TACR2: variants seen among roughly 807,000 people sequenced by gnomAD.
The protein encoded by TACR2 is substance-K receptor.
A neutral mutation model predicts 28.9 loss-of-function variants in TACR2; 24 were observed. That is an observed-to-expected ratio of 0.83 (90% confidence interval 0.60 to 1.17). TACR2 has a LOEUF of 1.17. TACR2 is among the 50% of genes most tolerant of loss of function. The pLI is 0.00. For synonymous variants in TACR2, 222 were observed against 212.6 expected (o/e 1.04, Z -0.38); for missense variants, 487 against 524.4 (o/e 0.93, Z 0.70).
chr10:69,409,896 T>TATATATATATATACATATATAC (rs1453338217), intron 2 of TACR2, among the ~76,000 whole-genome samples: 1 of 14,846 alleles, frequency 6.7e-5, no homozygotes, highest in East Asian at 1.1e-3. Flanking sequence ...TATACATATA[T>TATATATATATATACATATATAC]ATATATACAT....
At chr10:69,412,982 C>T (rs556413259) in intron 2 of TACR2, among the ~76,000 whole-genome samples, 1 of 152,180 alleles carries the variant, frequency 6.6e-6, no homozygotes, top group Non-Finnish European at 1.5e-5. Context: ...AGGCACCCAC[C>T]ATCAAGCCCA....
chr10:69,407,186 A>G lies in TACR2; in HGVS notation c.836T>C (p.Ile279Thr), dbSNP rs781278009. The G allele has an allele frequency of 6.2e-7, 1 of 1,614,030 alleles. No homozygotes were observed. The highest frequency in any genetic ancestry group is 8.5e-7 in the Non-Finnish European group (1 of 1,179,982). Residue 279 changes from isoleucine to threonine, a missense_variant, in exon 4 of 5, where the codon ATC (isoleucine) becomes ACC (threonine). Ile to Thr is a moderately conservative substitution (Grantham distance 89). Coordinates refer to ENST00000373306, the MANE Select transcript of TACR2 (RefSeq NM_001057.3). Reference sequence around the variant, plus strand: ...TTGCTGGATGAACTTGTGGCAGTAGATGTCCTCCTGGAAGCTGCCCAGGAT... The same window carrying G: ...TTGCTGGATGAACTTGTGGCAGTAGGTGTCCTCCTGGAAGCTGCCCAGGAT... Reference protein sequence around the residue: ...YFILGSFQEDIYCHKFIQQVY... With the variant: ...YFILGSFQEDTYCHKFIQQVY...
intron 2 of TACR2, among the ~76,000 whole-genome samples, chr10:69,409,593 GAT>G (rs1840542990): frequency 6.6e-6 from 1 of 151,990 alleles, no homozygotes; most frequent in Non-Finnish European, 1.5e-5. Context: ...AGTACAACAA[GAT>G]ATTTTGAGAG....
chr10:69,409,929 A>ATG (rs1564581174), intron 2 of TACR2, among the ~76,000 whole-genome samples: 5 of 79,402 alleles, frequency 6.3e-5, no homozygotes, highest in East Asian at 3.0e-4. Flanking sequence ...ATATATATAT[A>ATG]TATATATATA....
intron 1 of TACR2, 147 bp from the exon 2 acceptor site, chr10:69,415,286 C>T: frequency 2.2e-6 from 2 of 911,050 alleles, no homozygotes; most frequent in Non-Finnish European, 3.2e-6. Context: ...TATCAGCCGA[C>T]CTGCAGAGAG....
chr10:69,415,004 C>G lies in TACR2; in HGVS notation c.528G>C (p.Gln176His), dbSNP rs561960711. 1 of 1,613,882 alleles carries G rather than the reference C, an allele frequency of 6.2e-7. No individual in the cohort carries two copies. The highest frequency in any genetic ancestry group is 1.3e-5 in the African/African-American group (1 of 75,046). The change falls in exon 2 of 5, where the codon CAG becomes CAC. Residue 176 changes from glutamine (Q) to histidine (H), a missense_variant. Physicochemically the swap from Gln to His is conservative, Grantham distance 24. Coordinates refer to ENST00000373306, the MANE Select transcript of TACR2 (RefSeq NM_001057.3). ...AGGCCACCACGCACTTGGTGGCACC[C>G]TGGTCCATGGTGACGGTGGAGTAGA... ...QCFYSTVTMD[Q>H]GATKCVVAWP...
chr10:69,416,330 T>C lies in TACR2; in HGVS notation c.-7A>G. 1 of 1,576,652 alleles carries C rather than the reference T, an allele frequency of 6.3e-7. No individual in the cohort carries two copies. Among genetic ancestry groups the C allele is most frequent in the Non-Finnish European group, 8.6e-7 (1 of 1,157,740 alleles). ...CAATGTCACAGGTCCCCATGGCTGCTTCTGGGTCTGGAACAAAGGACCTGG... is the reference window on the plus strand; with the variant it reads ...CAATGTCACAGGTCCCCATGGCTGCCTCTGGGTCTGGAACAAAGGACCTGG... On this transcript the variant is annotated 5_prime_UTR_variant, in exon 1 of 5. Transcript: ENST00000373306.
rs771728199 is a variant in TACR2, at chr10:69,416,119, T to C, written c.205A>G (p.Asn69Asp). 2.5e-6 allele frequency: 4 copies of C among 1,614,204 alleles called. No individual in the cohort carries two copies. The Admixed American group carries it at 6.7e-5, about 27-fold the overall frequency. ...LAHRRMRTVT[N>D]YFIVNLALAD... Reference sequence around the variant, plus strand: ...AGCGCCAGATTGACGATGAAGTAGTTGGTGACTGTGCGCATCCTCCGATGG... The same window carrying C: ...AGCGCCAGATTGACGATGAAGTAGTCGGTGACTGTGCGCATCCTCCGATGG... The change falls in exon 1 of 5, where the codon AAC becomes GAC. Residue 69 changes from asparagine to aspartate, a missense_variant. Physicochemically the swap from Asn to Asp is conservative, Grantham distance 23 (BLOSUM62 1). Coordinates refer to ENST00000373306, the MANE Select transcript of TACR2 (RefSeq NM_001057.3).
In TACR2 at chr10:69,404,606, T is replaced by C. The variant is rs142381550; in HGVS notation, c.*220A>G. On this transcript the variant is annotated 3_prime_UTR_variant, in exon 5 of 5. Transcript: ENST00000373306. ...GTCATGGTGGAAAGTGGAAGGGAAG[T>C]GTTGTGTGCAAAGAGATCACATGGT... 348 of 375,970 alleles carry C rather than the reference T, an allele frequency of 9.3e-4. No homozygotes were observed. The highest frequency in any genetic ancestry group is 6.6e-3 in the African/African-American group (319 of 48,188). The allele number at this position is 375,970 out of a possible 1,614,324, so 23.3% of individuals were successfully genotyped here.
Position 69,405,080 on chromosome 10 carries a change from G to A in TACR2, c.943C>T (p.Arg315Cys), listed in dbSNP as rs142749723. Residue 315 changes from arginine to cysteine, a missense_variant, in exon 5 of 5, where the codon CGC becomes TGC. Arg to Cys is a radical substitution (Grantham distance 180, BLOSUM62 -3). Coordinates refer to ENST00000373306, the MANE Select transcript of TACR2 (RefSeq NM_001057.3). ...CGGAAGGCAAGCCGGAATCCAGAGC[G>A]AAACCTGGGGGAGCGAGGGGCACCT... ...IIYCCLNHRF[R>C]SGFRLAFRCC... is the part of the protein sequence containing the mutation. 97 of 1,613,406 alleles carry A rather than the reference G, an allele frequency of 6.0e-5. No homozygotes were observed. The highest frequency in any genetic ancestry group is 3.2e-4 in the Admixed American group (19 of 59,998).
intron 2 of TACR2, among the ~76,000 whole-genome samples, chr10:69,413,714 A>AGG (rs1840587564): frequency 6.6e-6 from 1 of 152,072 alleles, no homozygotes; most frequent in Admixed American, 6.5e-5. Context: ...GTTGGAGGAG[A>AGG]GGTGTGTTGC....
intron 2 of TACR2, among the ~76,000 whole-genome samples, chr10:69,412,831 CTTTG>C (rs1377956880): frequency 2.6e-5 from 4 of 152,262 alleles, no homozygotes; most frequent in South Asian, 4.2e-4. Context: ...CAGGGACCGC[CTTTG>C]TTTGTTTTGT....
intron 2 of TACR2, 81 bp downstream of exon 2, chr10:69,414,864 T>C (rs1840598204): frequency 6.9e-7 from 1 of 1,452,848 alleles, no homozygotes; most frequent in Non-Finnish European, 9.4e-7. Context: ...TGGACATGGA[T>C]GCATGCACGC....
Position 69,409,802 on chromosome 10 carries a change from T to C in TACR2, c.588-727A>G, listed in dbSNP as rs888625734. Reference sequence around the variant, plus strand: ...TGAAGTTTCAAGCATCCACCGGGTGTCTTGGAGTGTATCCTACAGTATAGC... The same window carrying C: ...TGAAGTTTCAAGCATCCACCGGGTGCCTTGGAGTGTATCCTACAGTATAGC... On this transcript the variant is annotated intron_variant, in intron 2 of 4. Transcript: ENST00000373306. Among the ~76,000 whole-genome samples, 4 of 149,830 alleles carry C rather than the reference T, an allele frequency of 2.7e-5. No homozygotes were observed. In the East Asian group the frequency reaches 7.9e-4, roughly 29 times the overall value.
intron 2 of TACR2, among the ~76,000 whole-genome samples, chr10:69,409,505 T>G (rs537249551): frequency 6.6e-6 from 1 of 152,284 alleles, no homozygotes; most frequent in South Asian, 2.1e-4. Flanking sequence ...GTATGAATAG[T>G]AGTCACCCCT....
In TACR2 at chr10:69,404,935, G is replaced by C. The variant is rs1178370134; in HGVS notation, c.1088C>G (p.Thr363Arg). ...TKETLFMAGD[T>R]APSEATSGEA... ...CCCACTGGTAGCCTCGGAGGGGGCT[G>C]TGTCCCCAGCCATGAACAAAGTCTC... Residue 363 changes from threonine to arginine, a missense_variant, in exon 5 of 5, where the codon ACA becomes AGA. Transcript: ENST00000373306. 6.2e-7 allele frequency: 1 copy of C among 1,614,190 alleles called. No homozygotes were observed. The highest frequency in any genetic ancestry group is 8.5e-7 in the Non-Finnish European group (1 of 1,180,020).
intron 2 of TACR2, chr10:69,409,357 G>C: frequency 3.3e-6 from 1 of 301,150 alleles, no homozygotes; most frequent in Non-Finnish European, 6.1e-6. Flanking sequence ...AAAAGGAAAA[G>C]TGAATGAAAC....
chr10:69,409,904 C>CAT (rs10663894), intron 2 of TACR2, among the ~76,000 whole-genome samples: 2,111 of 33,520 alleles, frequency 0.063, 52 homozygotes, highest in South Asian at 0.085. Context: ...TATATATATA[C>CAT]ATATATATAT....
intron 1 of TACR2, 62 bp downstream of exon 1, chr10:69,415,870 C>T (rs1840611788): frequency 1.9e-6 from 3 of 1,573,480 alleles, no homozygotes; most frequent in Non-Finnish European, 2.6e-6. Flanking sequence ...CATGTCACCA[C>T]CCTTATCTGA....
Sources: allele counts gnomAD v4.1 joint callset (sites outside exome capture counted in the v4.1 genomes callset), GRCh38; gene constraint gnomAD v4.1.1; transcripts MANE v1.5; gene names NCBI Gene and HGNC (gene_info 2026-07-23, HGNC 2026-07-21).